The following ZNF846 variants were observed in gnomAD, a reference collection of about 807,000 sequenced individuals.
ZNF846 encodes zinc finger protein 846, also known as zinc finger protein 420 pseudogene.
Under a neutral mutation model 16.0 loss-of-function variants are expected in ZNF846, and 15 were observed. The ratio of observed to expected loss-of-function variants is 0.94; its 90% CI spans 0.63 to 1.45. The LOEUF (loss-of-function observed/expected upper bound fraction) is 1.45. Among genes scored for constraint, ZNF846 ranks in the 40% most tolerant of loss-of-function variants. ZNF846 has a pLI of 0.00. For synonymous variants in ZNF846, 229 were observed against 212.0 expected (o/e 1.08, Z -0.70); for missense variants, 714 against 622.3 (o/e 1.15, Z -1.57).
At position 9,766,651 on chromosome 19, in the gene ZNF846, G is replaced by A. The variant is rs553629504; in HGVS notation, c.-85-1616C>T. The stretch of plus-strand genomic sequence containing the variant: ...CCAGCACTTTGGGAGGCCGAGGTGA[G>A]TGGATCACAAGGTCAAGAGATGGAG... On this transcript the variant is annotated intron_variant, in intron 1 of 5. Transcript: ENST00000397902. Among the ~76,000 whole-genome samples, 5 of 152,282 alleles carry A rather than the reference G, an allele frequency of 3.3e-5. No individual in the cohort carries two copies. The East Asian group carries it at 9.7e-4, about 29-fold the overall frequency.
upstream of ZNF846, among the ~76,000 whole-genome samples, chr19:9,769,325 T>A (rs1199401208): frequency 1.3e-5 from 2 of 151,912 alleles, no homozygotes; most frequent in African/African-American, 2.4e-5. Flanking sequence ...TAAAGGATCC[T>A]CCCCCCTCGG....
At chr19:9,763,845 A>G (rs1390734849) in intron 2 of ZNF846, among the ~76,000 whole-genome samples, 1 of 152,252 alleles carries the variant, frequency 6.6e-6, no homozygotes, top group Non-Finnish European at 1.5e-5. Flanking sequence ...GAATTAGTAA[A>G]CATTGAGATA....
At chr19:9,753,192 G>A (rs1186381484), downstream of ZNF846, among the ~76,000 whole-genome samples, 3 of 151,318 alleles carry the variant, frequency 2.0e-5, no homozygotes, top group Admixed American at 1.3e-4. Context: ...GAGTTAAGAT[G>A]TCAACATACG....
At chr19:9,766,468 C>T (rs1425413286) in intron 1 of ZNF846, among the ~76,000 whole-genome samples, 1 of 151,022 alleles carries the variant, frequency 6.6e-6, no homozygotes, top group African/African-American at 2.4e-5. Flanking sequence ...TTCTGTGGAT[C>T]CACATTTGGG....
intron 3 of ZNF846, among the ~76,000 whole-genome samples, chr19:9,762,843 G>A (rs1161629204): frequency 1.3e-5 from 2 of 152,112 alleles, no homozygotes; most frequent in African/African-American, 4.8e-5. Context: ...TTACAAGCTT[G>A]TTCTATAAAG....
exon 2 of ZNF846, chr19:9,765,033 G>A: frequency 2.0e-6 from 3 of 1,507,012 alleles, no homozygotes; most frequent in Non-Finnish European, 2.8e-6. Context: ...TGGAAAAAAT[G>A]ACCTTTGGAA....
upstream of ZNF846, among the ~76,000 whole-genome samples, chr19:9,769,247 C>T (rs918437121): frequency 6.6e-6 from 1 of 151,816 alleles, no homozygotes; most frequent in East Asian, 1.9e-4. Context: ...TCACGCCCAG[C>T]TAAGTTATCT....
intron 3 of ZNF846, 104 bp downstream of exon 3, chr19:9,763,178 G>A (rs568457925): frequency 1.8e-4 from 187 of 1,065,506 alleles, no homozygotes; most frequent in South Asian, 1.5e-3. Flanking sequence ...CACTGGCCAA[G>A]GTCCATGCCT....
chr19:9,775,717 T>C (rs1271307353), intron 1 of ZNF846, among the ~76,000 whole-genome samples: 1 of 152,198 alleles, frequency 6.6e-6, no homozygotes, highest in East Asian at 1.9e-4. Flanking sequence ...AAGGCAGCAG[T>C]AGCTCACTTG....
upstream of ZNF846, among the ~76,000 whole-genome samples, chr19:9,770,330 G>C (rs914586372): frequency 7.0e-6 from 1 of 143,384 alleles, no homozygotes; most frequent in African/African-American, 2.5e-5. Flanking sequence ...TGTAGAATTA[G>C]AATATAAAAC....
chr19:9,762,359 C>A, intron 3 of ZNF846, 191 bp from the exon 4 acceptor site: 1 of 525,390 alleles, frequency 1.9e-6, no homozygotes, highest in Non-Finnish European at 3.4e-6. Context: ...AAATGTTGCC[C>A]AGGTATAATG....
chr19:9,758,071 TTTCTCCAGTGTGAA>T lies in ZNF846; in HGVS notation c.992_1005del (p.Ile331LysfsTer4). 6.2e-7 allele frequency: 1 copy of T among 1,613,694 alleles called. No homozygotes were observed. Among genetic ancestry groups the T allele is most frequent in the South Asian group, 1.1e-5 (1 of 91,080 alleles). The stretch of plus-strand genomic sequence containing the variant: ...CCACACTCCTTACATTCATATGGCT[TTTCTCCAGTGTGAA>T]TTCGCATGTGTAAAATAAGTCCTGT... On this transcript the variant is annotated frameshift_variant, in exon 6 of 6. Coordinates refer to ENST00000397902, the Ensembl canonical transcript of ZNF846. LOFTEE classifies it low-confidence loss of function (END_TRUNC).
intron 2 of ZNF846, 62 bp downstream of exon 2, chr19:9,764,874 G>T (rs2045289424): frequency 1.3e-6 from 2 of 1,589,640 alleles, no homozygotes; most frequent in Non-Finnish European, 8.6e-7. Context: ...CGATAACAAG[G>T]TAAGGCTACC....
At chr19:9,770,938 C>T (rs1365810144), upstream of ZNF846, among the ~76,000 whole-genome samples, 1 of 151,804 alleles carries the variant, frequency 6.6e-6, no homozygotes, top group African/African-American at 2.4e-5. Flanking sequence ...TAAATGTAAA[C>T]CAAAATGGAA....
At chr19:9,754,563 TTAAAAAAAAA>T (rs2045115618), downstream of ZNF846, among the ~76,000 whole-genome samples, 1 of 83,790 alleles carries the variant, frequency 1.2e-5, no homozygotes, top group Non-Finnish European at 2.2e-5. Flanking sequence ...AGACTCTGTC[TTAAAAAAAAA>T]AAAAAAAAAA....
At chr19:9,755,059 T>C (rs1376268842), downstream of ZNF846, among the ~76,000 whole-genome samples, 1 of 151,078 alleles carries the variant, frequency 6.6e-6, no homozygotes, top group East Asian at 1.9e-4. Context: ...AGAGACGGGG[T>C]TTCACCATGT....
intron 2 of ZNF846, 70 bp downstream of exon 2, chr19:9,764,866 A>G (rs1372177652): frequency 6.4e-7 from 1 of 1,566,400 alleles, no homozygotes; most frequent in South Asian, 1.1e-5. Flanking sequence ...TGAATACACG[A>G]TAACAAGGTA....
At chr19:9,777,603 G>A (rs1470785326) in intron 1 of ZNF846, among the ~76,000 whole-genome samples, 3 of 151,546 alleles carry the variant, frequency 2.0e-5, no homozygotes, top group South Asian at 2.1e-4. Context: ...CCAGGGAGTC[G>A]GAGGTTGCAG....
downstream of ZNF846, among the ~76,000 whole-genome samples, chr19:9,754,968 C>A (rs976500818): frequency 6.6e-6 from 1 of 151,250 alleles, no homozygotes; most frequent in African/African-American, 2.5e-5. Context: ...CAGGTTCAAG[C>A]AATCCTCCTG....
Sources: allele counts gnomAD v4.1 joint callset (sites outside exome capture counted in the v4.1 genomes callset), GRCh38; gene constraint gnomAD v4.1.1; transcripts MANE v1.5; gene names NCBI Gene and HGNC (gene_info 2026-07-23, HGNC 2026-07-21).